Variants in POLR2G observed in about 807,000 individuals in gnomAD.
The protein encoded by POLR2G is DNA-directed RNA polymerase II subunit RPB7.
In POLR2G, 19 loss-of-function variants were observed where a neutral mutation model predicts 25.7. The observed-to-expected ratio is 0.74, with a 90% CI of 0.52 to 1.08. The LOEUF (loss-of-function observed/expected upper bound fraction) is 1.08. Among genes scored for constraint, POLR2G ranks in the 50% least tolerant of loss-of-function variants. POLR2G has a pLI of 0.00. For synonymous variants in POLR2G, 79 were observed against 76.0 expected (o/e 1.04, Z -0.21); for missense variants, 123 against 218.5 (o/e 0.56, Z 2.76).
In POLR2G at chr11:62,766,638, G is replaced by A. The variant is rs990726386; in HGVS notation, c.*131G>A. ...CAACTCATCCCAGAAGGCATCTGGTGCTTCTTGTAGCTTAACTACTGCCTC... is the reference window on the plus strand; with the variant it reads ...CAACTCATCCCAGAAGGCATCTGGTACTTCTTGTAGCTTAACTACTGCCTC... On this transcript the variant is annotated 3_prime_UTR_variant, in exon 8 of 8. Transcript: ENST00000301788. 31 of 729,886 alleles carry A rather than the reference G, an allele frequency of 4.2e-5. No homozygotes were observed. Among genetic ancestry groups the A allele is most frequent in the Non-Finnish European group, 6.7e-5 (28 of 418,744 alleles). 45.2% of individuals were successfully genotyped at this position (729,886 alleles called of 1,614,324 possible).
In POLR2G at chr11:62,761,637, T is replaced by C; in HGVS notation, c.-12T>C. The C allele has an allele frequency of 6.2e-7, 1 of 1,609,406 alleles. No individual in the cohort carries two copies. The highest frequency in any genetic ancestry group is 8.5e-7 in the Non-Finnish European group (1 of 1,177,200). On this transcript the variant is annotated 5_prime_UTR_variant, in exon 1 of 8. Coordinates refer to ENST00000301788, the MANE Select transcript of POLR2G (RefSeq NM_002696.3). ...GAGGTGTGGACTCTGCCTGCCTACCTGGTCTGGGAAGATGTTCTACCATGT... is the reference window on the plus strand; with the variant it reads ...GAGGTGTGGACTCTGCCTGCCTACCCGGTCTGGGAAGATGTTCTACCATGT...
At chr11:62,765,763 A>T in intron 6 of POLR2G, 39 bp downstream of exon 6, 5 of 1,110,122 alleles carry the variant, frequency 4.5e-6, no homozygotes, top group Non-Finnish European at 6.8e-6. Flanking sequence ...TACCAGGTTG[A>T]GCTGAGAACT....
intron 7 of POLR2G, 58 bp downstream of exon 7, chr11:62,766,334 G>A: frequency 6.4e-7 from 1 of 1,552,496 alleles, no homozygotes; most frequent in Admixed American, 1.7e-5. Context: ...GTGTGGGGGT[G>A]GGGAGTAATA....
Position 62,761,940 on chromosome 11 carries a change from G to A in POLR2G, c.122+36G>A, listed in dbSNP as rs1461636023. 3.4e-6 allele frequency: 5 copies of A among 1,455,460 alleles called. No homozygotes were observed. In the Admixed American group the frequency reaches 6.7e-5, roughly 20 times the overall value. 90.2% of individuals were successfully genotyped at this position (1,455,460 alleles called of 1,614,324 possible). A position where few individuals can be genotyped will look rare whatever the true frequency, so the allele number is the denominator to read the frequency against. On this transcript the variant is annotated intron_variant, in intron 2 of 7. Transcript: ENST00000301788. ...AGCTCACCGCACCGCCAGATCGTTC[G>A]ATGCGCACACGGGGCGCTATACCTG...
intron 6 of POLR2G, 127 bp downstream of exon 6, chr11:62,765,851 G>C: frequency 1.6e-6 from 1 of 639,780 alleles, no homozygotes; most frequent in South Asian, 1.8e-5. Flanking sequence ...GCAGTGGCGC[G>C]ATCTCGGCTC....
chr11:62,766,097 G>A (rs1008608556), intron 6 of POLR2G, 146 bp from the exon 7 acceptor site: 29 of 780,962 alleles, frequency 3.7e-5, no homozygotes, highest in Non-Finnish European at 4.7e-5. Context: ...GAGAGCTGTC[G>A]ATTTCTTACC....
chr11:62,764,353 C>T (rs2084104408), intron 3 of POLR2G, among the ~76,000 whole-genome samples: 3 of 151,834 alleles, frequency 2.0e-5, no homozygotes, highest in South Asian at 4.2e-4. Flanking sequence ...CCCTGCTACT[C>T]GGGAGGCTGA....
rs755009551 is a variant in POLR2G, at chr11:62,765,633, C to T, written c.400-20C>T. On this transcript the variant is annotated intron_variant, in intron 5 of 7. Coordinates refer to ENST00000301788, the MANE Select transcript of POLR2G (RefSeq NM_002696.3). ...TCATAAACTGAGGAGCATCTGTACACTGTTCCCTCCTCTCCTCAGGATATT... is the reference window on the plus strand; with the variant it reads ...TCATAAACTGAGGAGCATCTGTACATTGTTCCCTCCTCTCCTCAGGATATT... The T allele has an allele frequency of 5.4e-5, 84 of 1,562,806 alleles. No individual in the cohort carries two copies. The highest frequency in any genetic ancestry group is 1.3e-4 in the East Asian group (6 of 44,690).
At chr11:62,764,543 C>A (rs368097269) in intron 3 of POLR2G, among the ~76,000 whole-genome samples, 1 of 151,946 alleles carries the variant, frequency 6.6e-6, no homozygotes, top group African/African-American at 2.4e-5. Context: ...ACCTATAATC[C>A]CAGTGCTTTG....
intron 3 of POLR2G, among the ~76,000 whole-genome samples, chr11:62,763,239 C>T (rs1163148243): frequency 6.8e-6 from 1 of 147,232 alleles, no homozygotes; most frequent in African/African-American, 2.5e-5. Flanking sequence ...TCAAGTGATT[C>T]TCCTGCCTCG....
rs377749685 is a variant in POLR2G at position 62,761,610 on chromosome 11, C to T, written c.-39C>T. ...TTTCCGGTGGATTCCCAGGGACTGT[C>T]GGAGGTGTGGACTCTGCCTGCCTAC... On this transcript the variant is annotated 5_prime_UTR_variant, in exon 1 of 8. Coordinates refer to ENST00000301788, the MANE Select transcript of POLR2G (RefSeq NM_002696.3). 7 of 1,589,414 alleles carry T rather than the reference C, an allele frequency of 4.4e-6. No homozygotes were observed. Among genetic ancestry groups the T allele is most frequent in the African/African-American group, 2.7e-5 (2 of 74,276 alleles).
chr11:62,764,551 T>C (rs532324742), intron 3 of POLR2G, among the ~76,000 whole-genome samples: 35 of 151,996 alleles, frequency 2.3e-4, no homozygotes, highest in African/African-American at 8.0e-4. Context: ...TCCCAGTGCT[T>C]TGGGGGGCAG....
At chr11:62,763,961 C>T (rs757606337) in intron 3 of POLR2G, among the ~76,000 whole-genome samples, 8 of 151,130 alleles carry the variant, frequency 5.3e-5, no homozygotes, top group African/African-American at 4.9e-5. Flanking sequence ...AGGCTGGTCT[C>T]GAACTCCCGA....
intron 3 of POLR2G, 135 bp from the exon 4 acceptor site, chr11:62,765,047 C>A (rs544420306): frequency 4.4e-6 from 3 of 684,710 alleles, no homozygotes; most frequent in Middle Eastern, 4.3e-4. Flanking sequence ...TTAGTAATGA[C>A]GGGGTTTCAC....
At chr11:62,765,500 C>T (rs959958212) in intron 5 of POLR2G, 95 bp downstream of exon 5, 18 of 1,151,128 alleles carry the variant, frequency 1.6e-5, no homozygotes, top group Admixed American at 1.5e-4. Flanking sequence ...AGATGGTCCC[C>T]GAATTACCAT....
At chr11:62,762,369 T>A in intron 2 of POLR2G, 1 of 254,900 alleles carries the variant, frequency 3.9e-6, no homozygotes, top group South Asian at 4.1e-5. Flanking sequence ...GATCGAGAGT[T>A]TGGGGGAGGA....
rs151250126 is a variant in POLR2G, at chr11:62,765,656, A to G, written c.403A>G (p.Ile135Val). ...CACTGTTCCCTCCTCTCCTCAGGAT[A>G]TTGTGATTCAGCAGGACGATGAGAT... ...PPCYKTMDED[I>V]VIQQDDEIRL... Residue 135 changes from isoleucine to valine, a missense_variant, in exon 6 of 8, where the codon ATT becomes GTT. Transcript: ENST00000301788. 65 of 1,605,626 alleles carry G rather than the reference A, an allele frequency of 4.0e-5. No individual in the cohort carries two copies. The highest frequency in any genetic ancestry group is 1.8e-4 in the Admixed American group (11 of 59,990).
Position 62,761,582 on chromosome 11 carries a change from G to C in POLR2G, c.-67G>C. 1 of 1,511,618 alleles carries C rather than the reference G, an allele frequency of 6.6e-7. No individual in the cohort carries two copies. Among genetic ancestry groups the C allele is most frequent in the South Asian group, 1.2e-5 (1 of 81,178 alleles). The allele number at this position is 1,511,618 out of a possible 1,614,324, so 93.6% of individuals were successfully genotyped here. The stretch of plus-strand genomic sequence containing the variant: ...GCGGAACTGGGGTTGCGGCGTCTAA[G>C]TGTTTCCGGTGGATTCCCAGGGACT... On this transcript the variant is annotated 5_prime_UTR_variant, in exon 1 of 8. Coordinates refer to ENST00000301788, the MANE Select transcript of POLR2G (RefSeq NM_002696.3).
At chr11:62,765,305 T>A in intron 4 of POLR2G, 35 bp from the exon 5 acceptor site, 1 of 1,607,454 alleles carries the variant, frequency 6.2e-7, no homozygotes, top group Non-Finnish European at 8.5e-7. Context: ...AAGCATCCAT[T>A]TAAAGTGCTA....
Sources: allele counts gnomAD v4.1 joint callset (sites outside exome capture counted in the v4.1 genomes callset), GRCh38; gene constraint gnomAD v4.1.1; transcripts MANE v1.5; gene names NCBI Gene and HGNC (gene_info 2026-07-23, HGNC 2026-07-21).